ZNF385C: variants seen among roughly 807,000 people sequenced by gnomAD.
ZNF385C encodes the protein CTD-2132N18.2.
ZNF385C carries 28 observed loss-of-function variants against 35.4 expected under a neutral mutation model. That is an observed-to-expected ratio of 0.79 (90% CI 0.59 to 1.08). ZNF385C has a LOEUF of 1.08. Ranked by LOEUF, ZNF385C falls within the 50% of genes least tolerant of loss-of-function variation. ZNF385C has a pLI of 0.00. For synonymous variants in ZNF385C, 248 were observed against 248.2 expected (o/e 1.00, Z 0.01); for missense variants, 605 against 595.6 (o/e 1.02, Z -0.16).
Position 42,037,883 on chromosome 17 carries a change from C to T in ZNF385C, c.253G>A (p.Gly85Ser). The change falls in exon 3 of 9, where the codon GGC becomes AGC. Residue 85 changes from glycine to serine, a missense_variant and splice_region_variant. Coordinates refer to ENST00000692273, the MANE Select transcript of ZNF385C (RefSeq NM_001392013.1). ...GGGCTGGGGGCGCCGGAGGCCGGGC[C>T]TGCTGCAGGAGGAAGAAGGGCAGGG... ...SLGKSPSGPA[G>S]PASGAPSPLL... is the part of the protein sequence containing the mutation. 6.5e-7 allele frequency: 1 copy of T among 1,529,292 alleles called. No homozygotes were observed. Among genetic ancestry groups the T allele is most frequent in the Non-Finnish European group, 8.8e-7 (1 of 1,135,042 alleles). 94.7% of individuals were successfully genotyped at this position (1,529,292 alleles called of 1,614,324 possible).
Position 42,067,041 on chromosome 17 carries a change from C to G in ZNF385C, c.-2-3983G>C, listed in dbSNP as rs572386531. 1.1e-4 allele frequency among the ~76,000 whole-genome samples: 17 copies of G among 152,006 alleles called. No homozygotes were observed. In the East Asian group the frequency reaches 3.1e-3, roughly 28 times the overall value. The stretch of plus-strand genomic sequence containing the variant: ...TCGAGATCGTGCCATGGCACTCAAG[C>G]CTAGGTAACAGAGCAAGACTCCGTC... On this transcript the variant is annotated intron_variant, in intron 1 of 8. Coordinates refer to ENST00000692273, the MANE Select transcript of ZNF385C (RefSeq NM_001392013.1).
At chr17:42,080,683 G>A (rs898162826) in intron 1 of ZNF385C, among the ~76,000 whole-genome samples, 2 of 152,202 alleles carry the variant, frequency 1.3e-5, no homozygotes, top group African/African-American at 2.4e-5. Flanking sequence ...AAATCGGTCC[G>A]GTGGGAGGAG....
intron 8 of ZNF385C, 86 bp downstream of exon 8, chr17:42,027,532 C>A: frequency 8.4e-7 from 1 of 1,193,456 alleles, no homozygotes. Flanking sequence ...CTTTTCCTGC[C>A]CCACCGCAGC....
chr17:42,094,649 C>T (rs1214166420), intron 1 of ZNF385C, among the ~76,000 whole-genome samples: 1 of 152,142 alleles, frequency 6.6e-6, no homozygotes, highest in Non-Finnish European at 1.5e-5. Flanking sequence ...GCCAGACACA[C>T]TCACAGGCCG....
At chr17:42,028,552 C>G in intron 6 of ZNF385C, 2 of 623,724 alleles carry the variant, frequency 3.2e-6, no homozygotes, top group Non-Finnish European at 5.5e-6. Flanking sequence ...AGTGACCCTT[C>G]AGAGATTTAG....
At chr17:42,075,823 T>C (rs1555659229) in intron 1 of ZNF385C, among the ~76,000 whole-genome samples, 1 of 152,132 alleles carries the variant, frequency 6.6e-6, no homozygotes, top group Middle Eastern at 3.2e-3. Context: ...AGGCTTTTGG[T>C]ATCCTCCATA....
intron 1 of ZNF385C, among the ~76,000 whole-genome samples, chr17:42,081,496 C>G (rs1367518284): frequency 6.6e-6 from 1 of 152,136 alleles, no homozygotes; most frequent in African/African-American, 2.4e-5. Context: ...AAGTCATTCT[C>G]CTGCCTCAGC....
In ZNF385C at chr17:42,034,276, C is replaced by T; in HGVS notation, c.459G>A (p.Lys153=). 10 of 1,550,664 alleles carry T rather than the reference C, an allele frequency of 6.4e-6. No homozygotes were observed. The highest frequency in any genetic ancestry group is 2.0e-5 in the Admixed American group (1 of 50,998). Residue 153 remains lysine, a synonymous_variant, in exon 4 of 9, where the codon AAG becomes AAA. Coordinates refer to ENST00000692273, the MANE Select transcript of ZNF385C (RefSeq NM_001392013.1). ...SHTFGVPSPL[K]KKLFISCNIC... is the part of the protein sequence containing the mutation. ...TGTTACAGGAAATGAACAGCTTCTT[C>T]TTCAGAGGGGAGGGGACACCAAACG...
At chr17:42,097,597 C>G (rs1489177439) in intron 1 of ZNF385C, among the ~76,000 whole-genome samples, 1 of 152,122 alleles carries the variant, frequency 6.6e-6, no homozygotes, top group East Asian at 1.9e-4. Flanking sequence ...GCACCAAGAC[C>G]CAAAGGCTGC....
chr17:42,045,276 C>T (rs1423210304), intron 2 of ZNF385C, among the ~76,000 whole-genome samples: 1 of 152,164 alleles, frequency 6.6e-6, no homozygotes, highest in Non-Finnish European at 1.5e-5. Context: ...TGGTCTCGAT[C>T]TCCTGACCTT....
At position 42,031,733 on chromosome 17, in the gene ZNF385C, C is replaced by A; in HGVS notation, c.562G>T (p.Ala188Ser). The change falls in exon 5 of 9, where the codon GCT becomes TCT. Residue 188 changes from alanine (A) to serine (S), a missense_variant. Transcript: ENST00000692273. ...TGCTTGCTCTTGGCAGCCTCGACAG[C>A]CTTGAGTTTTCTGGCGTGTTTGTGG... ...KGHKHARKLK[A>S]VEAAKSKQRP... The A allele has an allele frequency of 6.4e-7, 1 of 1,550,840 alleles. No individual in the cohort carries two copies. The highest frequency in any genetic ancestry group is 8.7e-7 in the Non-Finnish European group (1 of 1,147,062).
At chr17:42,065,596 A>G (rs2053535747) in intron 1 of ZNF385C, among the ~76,000 whole-genome samples, 1 of 152,214 alleles carries the variant, frequency 6.6e-6, no homozygotes, top group Non-Finnish European at 1.5e-5. Flanking sequence ...GTGAGCAGTG[A>G]TCCCACATAA....
intron 3 of ZNF385C, among the ~76,000 whole-genome samples, chr17:42,035,600 G>A (rs2052837637): frequency 6.8e-6 from 1 of 147,374 alleles, no homozygotes; most frequent in South Asian, 2.2e-4. Context: ...CGCCCAGGCT[G>A]GAGTGCAGTG....
intron 2 of ZNF385C, among the ~76,000 whole-genome samples, chr17:42,058,902 C>A (rs1555657781): frequency 1.3e-5 from 2 of 152,222 alleles, no homozygotes; most frequent in East Asian, 3.8e-4. Context: ...AGTGATCCAC[C>A]CGCCTCGGCC....
intron 4 of ZNF385C, among the ~76,000 whole-genome samples, chr17:42,033,827 G>A (rs1278279247): frequency 2.0e-5 from 3 of 152,088 alleles, no homozygotes; most frequent in Non-Finnish European, 2.9e-5. Context: ...TTATTTAAGG[G>A]GATGGGCATG....
intron 1 of ZNF385C, among the ~76,000 whole-genome samples, chr17:42,085,125 C>T (rs756887797): frequency 3.9e-5 from 6 of 151,948 alleles, no homozygotes; most frequent in Non-Finnish European, 8.8e-5. Context: ...GGTGAAACCC[C>T]GTCTCTACTA....
In ZNF385C at chr17:42,057,497, TGCGCGCGCGCGCGC is replaced by T. The variant is rs58127530; in HGVS notation, c.250+5296_250+5309del. ...AATCACTTAAAGTTATTTAGGGGTG[TGCGCGCGCGCGCGC>T]GCGTGTGTGTGTGTGTGTGTGTGTG... On this transcript the variant is annotated intron_variant, in intron 2 of 8. Transcript: ENST00000692273. Among the ~76,000 whole-genome samples, 36 of 46,854 alleles carry T rather than the reference TGCGCGCGCGCGCGC, an allele frequency of 7.7e-4. 1 individual carries two copies. Among genetic ancestry groups the T allele is most frequent in the South Asian group, 3.9e-3 (3 of 768 alleles). The allele number at this position is 46,854 out of a possible 152,430, so 30.7% of individuals were successfully genotyped here. A position where few individuals can be genotyped will look rare whatever the true frequency, so the allele number is the denominator to read the frequency against.
At chr17:42,088,542 C>G (rs2053833485) in intron 1 of ZNF385C, among the ~76,000 whole-genome samples, 1 of 152,236 alleles carries the variant, frequency 6.6e-6, no homozygotes, top group Non-Finnish European at 1.5e-5. Flanking sequence ...TAGGTGGATC[C>G]CAGGGCCATT....
chr17:42,060,261 A>G (rs2053441100), intron 2 of ZNF385C, among the ~76,000 whole-genome samples: 2 of 152,132 alleles, frequency 1.3e-5, no homozygotes, highest in African/African-American at 4.8e-5. Context: ...TGCTAAAGAA[A>G]AGGCTCCAGA....
Sources: allele counts gnomAD v4.1 joint callset (sites outside exome capture counted in the v4.1 genomes callset), GRCh38; gene constraint gnomAD v4.1.1; transcripts MANE v1.5; gene names NCBI Gene and HGNC (gene_info 2026-07-23, HGNC 2026-07-21).